SV2C: variants seen among roughly 807,000 people sequenced by gnomAD.
SV2C encodes the protein synaptic vesicle glycoprotein 2C, also known as solute carrier family 22 member B3.
Under a neutral mutation model 79.7 loss-of-function variants are expected in SV2C, and 49 were observed. That is an observed-to-expected ratio of 0.61 (90% CI 0.49 to 0.78). The LOEUF is 0.78. Among genes scored for constraint, SV2C ranks in the 30% least tolerant of loss-of-function variants. The pLI, the probability that SV2C is intolerant of heterozygous loss-of-function variation, is 0.00. For synonymous variants in SV2C, 334 were observed against 333.2 expected, an observed-to-expected ratio of 1.00 and a Z score of -0.03; for missense variants, 833 against 912.9, an observed-to-expected ratio of 0.91 and a Z score of 1.13.
chr5:75,907,012 C>T, the SV2C span, among the ~76,000 whole-genome samples: 67 of 152,330 alleles, frequency 4.4e-4, no homozygotes, highest in African/African-American at 1.5e-3. Flanking sequence ...TAGAACATCT[C>T]TCCTGAAAGT....
intron 4 of SV2C, among the ~76,000 whole-genome samples, chr5:76,238,499 T>G (rs2112415660): frequency 6.6e-6 from 1 of 152,240 alleles, no homozygotes; most frequent in East Asian, 1.9e-4. Context: ...GGTCTCTCTT[T>G]CATGTTGGAC....
At chr5:76,259,041 T>C (rs11955458) in intron 4 of SV2C, among the ~76,000 whole-genome samples, 1 of 152,196 alleles carries the variant, frequency 6.6e-6, no homozygotes, top group Admixed American at 6.5e-5. Flanking sequence ...CTAATTCCTG[T>C]CTTCTCCTAT....
the SV2C span, among the ~76,000 whole-genome samples, chr5:76,061,768 A>C: frequency 6.6e-6 from 1 of 152,108 alleles, no homozygotes; most frequent in African/African-American, 2.4e-5. Flanking sequence ...AGGTATAGGA[A>C]CGTGCCCCAT....
At chr5:75,946,616 A>G in the SV2C span, among the ~76,000 whole-genome samples, 1 of 152,128 alleles carries the variant, frequency 6.6e-6, no homozygotes, top group Non-Finnish European at 1.5e-5. Context: ...CTGTCAAAAC[A>G]TCTAACAAAA....
intron 12 of SV2C, among the ~76,000 whole-genome samples, chr5:76,349,400 T>C (rs1749605998): frequency 6.6e-6 from 1 of 151,856 alleles, no homozygotes; most frequent in African/African-American, 2.4e-5. Flanking sequence ...GTAACCCAGC[T>C]ACTCAGGAGG....
chr5:76,283,865 T>G (rs373654365), intron 4 of SV2C, among the ~76,000 whole-genome samples: 50 of 152,330 alleles, frequency 3.3e-4, no homozygotes, highest in East Asian at 3.1e-3. Context: ...CAGGAAAGAC[T>G]AAGGTGTAAC....
At chr5:76,241,868 AAAC>A (rs975074312) in intron 4 of SV2C, among the ~76,000 whole-genome samples, 2 of 152,332 alleles carry the variant, frequency 1.3e-5, no homozygotes, top group South Asian at 4.1e-4. Flanking sequence ...CTTCCCCCAA[AAAC>A]AACAATGAAG....
chr5:76,140,787 T>C (rs1447845888), intron 2 of SV2C, among the ~76,000 whole-genome samples: 3 of 152,182 alleles, frequency 2.0e-5, no homozygotes, highest in Non-Finnish European at 2.9e-5. Context: ...CTGCAGACTT[T>C]AGGATCAGCA....
At chr5:76,115,744 C>G (rs1252004559) in intron 1 of SV2C, among the ~76,000 whole-genome samples, 2 of 152,152 alleles carry the variant, frequency 1.3e-5, no homozygotes, top group African/African-American at 2.4e-5. Context: ...CACTAGGGTA[C>G]ATTCTTCTAG....
At chr5:76,204,610 A>G (rs1018598850) in intron 3 of SV2C, among the ~76,000 whole-genome samples, 2 of 152,242 alleles carry the variant, frequency 1.3e-5, no homozygotes, top group African/African-American at 4.8e-5. Context: ...TTAAAGCAGA[A>G]TAGAATTACT....
the SV2C span, among the ~76,000 whole-genome samples, chr5:76,007,788 T>C: frequency 1.3e-5 from 2 of 152,180 alleles, no homozygotes; most frequent in South Asian, 4.1e-4. Flanking sequence ...TATGTTTGTC[T>C]CCAAATGAAT....
At chr5:76,185,131 A>G (rs1743872256) in intron 2 of SV2C, among the ~76,000 whole-genome samples, 1 of 152,252 alleles carries the variant, frequency 6.6e-6, no homozygotes, top group Non-Finnish European at 1.5e-5. Context: ...TTAACATTCC[A>G]AAATGATTTT....
chr5:76,290,486 C>T (rs980887336), intron 6 of SV2C, among the ~76,000 whole-genome samples: 1 of 152,164 alleles, frequency 6.6e-6, no homozygotes, highest in East Asian at 1.9e-4. Flanking sequence ...ACAAAGGACC[C>T]ATTCTTCATT....
chr5:76,007,459 G>C, the SV2C span, among the ~76,000 whole-genome samples: 1 of 151,988 alleles, frequency 6.6e-6, no homozygotes, highest in Non-Finnish European at 1.5e-5. Context: ...TGAAATAATA[G>C]GTAAAAGTTT....
the SV2C span, among the ~76,000 whole-genome samples, chr5:76,036,228 C>A: frequency 4.0e-5 from 6 of 151,820 alleles, no homozygotes; most frequent in African/African-American, 1.2e-4. Context: ...TTAATTGGAG[C>A]ATTTAGTCCA....
At chr5:76,011,865 G>A in the SV2C span, among the ~76,000 whole-genome samples, 3 of 152,080 alleles carry the variant, frequency 2.0e-5, no homozygotes, top group Non-Finnish European at 2.9e-5. Context: ...GTGGTGTTTG[G>A]TTTTCTGTTC....
At chr5:76,241,862 C>G (rs553207479) in intron 4 of SV2C, among the ~76,000 whole-genome samples, 2 of 152,094 alleles carry the variant, frequency 1.3e-5, no homozygotes, top group South Asian at 4.2e-4. Context: ...ATGCCCCTTC[C>G]CCCAAAAACA....
chr5:76,152,142 G>C (rs998111995), intron 2 of SV2C, among the ~76,000 whole-genome samples: 1 of 152,206 alleles, frequency 6.6e-6, no homozygotes, highest in African/African-American at 2.4e-5. Context: ...AGGGGACGGG[G>C]CTGAGAAAAG....
the SV2C span, among the ~76,000 whole-genome samples, chr5:75,949,221 T>A: frequency 3.3e-5 from 5 of 152,010 alleles, no homozygotes; most frequent in African/African-American, 9.7e-5. Context: ...GTGCCATGCT[T>A]CCTGTACAGC....
Sources: gnomAD v4.1 joint callset for allele counts (sites outside exome capture counted in the v4.1 genomes callset) on GRCh38, gnomAD v4.1.1 for gene constraint, MANE v1.5 for transcripts, NCBI Gene and HGNC (gene_info 2026-07-23, HGNC 2026-07-21) for gene names.